The following NECTIN2 variants were observed in gnomAD, a reference collection of about 807,000 sequenced individuals.
NECTIN2 encodes the protein nectin-2.
A neutral mutation model predicts 56.9 loss-of-function variants in NECTIN2; 23 were observed. That is an observed-to-expected ratio of 0.40 (90% CI 0.29 to 0.57). NECTIN2 has a LOEUF of 0.57. Among genes scored for constraint, NECTIN2 ranks in the 20% least tolerant of loss-of-function variants. The pLI is 0.38. For synonymous variants in NECTIN2, 302 were observed against 313.8 expected (o/e 0.96, Z 0.40); for missense variants, 587 against 718.3 (o/e 0.82, Z 2.09).
chr19:44,878,152 CCCCAGA>C (rs1449135034), intron 5 of NECTIN2: 10 of 621,486 alleles, frequency 1.6e-5, no homozygotes, highest in Non-Finnish European at 2.9e-5. Context: ...CCCCCTCACT[CCCCAGA>C]GCGATCCTCG....
intron 2 of NECTIN2, among the ~76,000 whole-genome samples, chr19:44,869,962 A>AG (rs1555786799): frequency 3.3e-5 from 5 of 152,068 alleles, no homozygotes; most frequent in East Asian, 3.9e-4. Flanking sequence ...ATAAAAAAAA[A>AG]AGAGAGAGAG....
chr19:44,874,341 C>T lies in NECTIN2; in HGVS notation c.905C>T (p.Thr302Ile). 1 of 1,614,158 alleles carries T rather than the reference C, an allele frequency of 6.2e-7. No homozygotes were observed. Among genetic ancestry groups the T allele is most frequent in the Non-Finnish European group, 8.5e-7 (1 of 1,180,002 alleles). ...TGYDWSTTSG[T>I]FPTSAVAQGS... ...CCACACCCCTCCAGGACCTCAGGCACCTTCCCGACCTCCGCAGTGGCCCAG... is the reference window on the plus strand; with the variant it reads ...CCACACCCCTCCAGGACCTCAGGCATCTTCCCGACCTCCGCAGTGGCCCAG... Residue 302 changes from threonine (T) to isoleucine (I), a missense_variant, in exon 5 of 9, where the codon ACC becomes ATC. Physicochemically the swap from Thr to Ile is moderately conservative, Grantham distance 89. Coordinates refer to ENST00000252483, the MANE Select transcript of NECTIN2 (RefSeq NM_001042724.2). The surrounding 1 kb of genome is among the most constrained non-coding windows in gnomAD (Gnocchi z 6.3).
chr19:44,885,278 G>T (rs558460424), intron 6 of NECTIN2, among the ~76,000 whole-genome samples: 34 of 149,954 alleles, frequency 2.3e-4, no homozygotes, highest in Middle Eastern at 3.5e-3. Context: ...TTACAGGCGT[G>T]AGCCACCACG....
In NECTIN2 at chr19:44,865,512, G is replaced by A. The variant is rs1969089575; in HGVS notation, c.330G>A (p.Gln110=). ...GGCTGTCCTTCGTCTCTGCCAAGCA[G>A]AGCACTGGGCAAGACACAGAGGCAG... ...SERLSFVSAK[Q]STGQDTEAEL... is the part of the protein sequence containing the mutation. The change falls in exon 2 of 9, where the codon CAG becomes CAA. Residue 110 remains glutamine, a synonymous_variant. Coordinates refer to ENST00000252483, the MANE Select transcript of NECTIN2 (RefSeq NM_001042724.2). This position sits in a 1 kb window ranked among gnomAD's most constrained non-coding sequence, Gnocchi z 5.2. 6.3e-7 allele frequency: 1 copy of A among 1,598,522 alleles called. No homozygotes were observed. The highest frequency in any genetic ancestry group is 2.3e-5 in the East Asian group (1 of 43,954).
intron 3 of NECTIN2, among the ~76,000 whole-genome samples, chr19:44,873,279 C>A (rs1350246132): frequency 2.6e-5 from 4 of 150,988 alleles, no homozygotes; most frequent in African/African-American, 7.3e-5. Context: ...GTGCCACTTT[C>A]CTCCCGGGAC....
intron 2 of NECTIN2, among the ~76,000 whole-genome samples, chr19:44,870,365 G>C (rs565718571): frequency 6.6e-6 from 1 of 152,236 alleles, no homozygotes; most frequent in East Asian, 1.9e-4. Context: ...GGGAGAAGGC[G>C]GTGGGAAGGG....
Position 44,864,018 on chromosome 19 carries a change from C to CG in NECTIN2, c.89-1253_89-1252insG, listed in dbSNP as rs919688681. Among the ~76,000 whole-genome samples the CG allele has an allele frequency of 4.6e-5, 7 of 151,536 alleles. No homozygotes were observed. The South Asian group carries it at 8.4e-4, about 18-fold the overall frequency. On this transcript the variant is annotated intron_variant, in intron 1 of 8. Coordinates refer to ENST00000252483, the MANE Select transcript of NECTIN2 (RefSeq NM_001042724.2). ...TGATTTATTTTCAGAGGATTCCCCC[C>CG]CCCCAAAAAAAAATCTTATGAAAAT...
chr19:44,860,552 TC>T (rs1969020382), intron 1 of NECTIN2, among the ~76,000 whole-genome samples: 1 of 152,042 alleles, frequency 6.6e-6, no homozygotes, highest in Non-Finnish European at 1.5e-5. Flanking sequence ...GATGTAAAAC[TC>T]CAAATATACT....
chr19:44,878,900 G>A (rs1969276585), intron 5 of NECTIN2: 19 of 1,265,624 alleles, frequency 1.5e-5, no homozygotes, highest in Admixed American at 3.8e-5. Context: ...CCCTGGCCCC[G>A]TGACACTCAG....
intron 5 of NECTIN2, among the ~76,000 whole-genome samples, chr19:44,877,421 G>A (rs929160995): frequency 2.0e-5 from 3 of 151,882 alleles, no homozygotes. Context: ...CTCTCTCTCC[G>A]CCTCCCCACT....
At chr19:44,878,307 C>T (rs1456660717) in intron 5 of NECTIN2, 6 of 1,462,896 alleles carry the variant, frequency 4.1e-6, no homozygotes, top group Admixed American at 4.0e-5. Flanking sequence ...CTGCTTCTGG[C>T]TGGGGGGTCC....
At chr19:44,876,737 G>C (rs1183414328) in intron 5 of NECTIN2, among the ~76,000 whole-genome samples, 1 of 152,144 alleles carries the variant, frequency 6.6e-6, no homozygotes, top group African/African-American at 2.4e-5. Flanking sequence ...TCTTTAGGGA[G>C]ACTCAGAGAA....
intron 6 of NECTIN2, among the ~76,000 whole-genome samples, chr19:44,883,315 C>A (rs765068530): frequency 1.5e-4 from 23 of 152,022 alleles, no homozygotes; most frequent in Non-Finnish European, 2.6e-4. Context: ...TGGTCTGTCG[C>A]CCTGGCTGGA....
chr19:44,868,046 A>G (rs926615158), intron 2 of NECTIN2, among the ~76,000 whole-genome samples: 1 of 151,926 alleles, frequency 6.6e-6, no homozygotes, highest in Non-Finnish European at 1.5e-5. Flanking sequence ...TTGCCCATGG[A>G]TTGAGGGGGA....
chr19:44,857,337 C>A (rs1019184634), intron 1 of NECTIN2, among the ~76,000 whole-genome samples: 1 of 149,704 alleles, frequency 6.7e-6, no homozygotes, highest in African/African-American at 2.5e-5. Context: ...GGGCTCCTGG[C>A]CTTGAGTGAT....
chr19:44,887,121 G>A (rs1242292788), intron 8 of NECTIN2, among the ~76,000 whole-genome samples: 5 of 150,710 alleles, frequency 3.3e-5, no homozygotes, highest in South Asian at 2.1e-4. Flanking sequence ...AGGCTGAGAC[G>A]GGCAGATCAC....
Position 44,880,220 on chromosome 19 carries a change from G to T in NECTIN2, c.1043-1991G>T, listed in dbSNP as rs1969292697. Among the ~76,000 whole-genome samples the T allele has an allele frequency of 2.6e-5, 4 of 152,196 alleles. No individual in the cohort carries two copies. The South Asian group carries it at 8.3e-4, about 31-fold the overall frequency. On this transcript the variant is annotated intron_variant, in intron 5 of 8. Transcript: ENST00000252483. ...CGGACAACCGGAGGGCAGGGGCGGG[G>T]AATTGGGTCCGCCTGGCACACAGTG...
intron 3 of NECTIN2, among the ~76,000 whole-genome samples, 192 bp from the exon 4 acceptor site, chr19:44,873,724 A>C (rs1348297515): frequency 1.3e-5 from 2 of 152,144 alleles, no homozygotes; most frequent in African/African-American, 4.8e-5. Context: ...AATTATCCAC[A>C]GTGGTTTCCC....
chr19:44,846,727 C>A, intron 1 of NECTIN2, 114 bp downstream of exon 1: 1 of 1,257,586 alleles, frequency 8.0e-7, no homozygotes, highest in Non-Finnish European at 1.1e-6. Context: ...AGCCCCCTCT[C>A]GCGTGCCCCC....
Sources: gnomAD v4.1 joint callset for allele counts (sites outside exome capture counted in the v4.1 genomes callset) on GRCh38, gnomAD v4.1.1 for gene constraint, Gnocchi (gnomAD v3.1) non-coding constraint, MANE v1.5 for transcripts, NCBI Gene and HGNC (gene_info 2026-07-23, HGNC 2026-07-21) for gene names.